The following NKAIN2 variants were observed in gnomAD, a reference collection of about 807,000 sequenced individuals.
NKAIN2 encodes sodium/potassium-transporting ATPase subunit beta-1-interacting protein 2.
Under a neutral mutation model 32.6 loss-of-function variants are expected in NKAIN2, and 14 were observed. The ratio of observed to expected loss-of-function variants is 0.43; its 90% CI spans 0.28 to 0.67. The LOEUF (loss-of-function observed/expected upper bound fraction) is 0.67. Among genes scored for constraint, NKAIN2 ranks in the 30% least tolerant of loss-of-function variants. The pLI is 0.17. For synonymous variants in NKAIN2, 80 were observed against 87.2 expected, an observed-to-expected ratio of 0.92 and a Z score of 0.46; for missense variants, 198 against 258.3, an observed-to-expected ratio of 0.77 and a Z score of 1.60.
intron 3 of NKAIN2, among the ~76,000 whole-genome samples, chr6:124,653,140 A>G (rs1784422940): frequency 6.6e-6 from 1 of 152,162 alleles, no homozygotes; most frequent in Non-Finnish European, 1.5e-5. Context: ...GATGTTGGCA[A>G]ACTGATTCTA....
chr6:124,450,924 G>A (rs1482730067), intron 3 of NKAIN2, among the ~76,000 whole-genome samples: 2 of 151,898 alleles, frequency 1.3e-5, no homozygotes, highest in Non-Finnish European at 2.9e-5. Flanking sequence ...AATTGCTTAA[G>A]CTACCTAGGG....
intron 3 of NKAIN2, among the ~76,000 whole-genome samples, chr6:124,538,807 G>T (rs182291341): frequency 2.0e-5 from 3 of 151,846 alleles, no homozygotes; most frequent in Non-Finnish European, 4.4e-5. Context: ...TCATTCGCTC[G>T]GTTTAACTAG....
At chr6:124,748,669 C>G (rs1373291281) in intron 4 of NKAIN2, among the ~76,000 whole-genome samples, 1 of 151,884 alleles carries the variant, frequency 6.6e-6, no homozygotes, top group Non-Finnish European at 1.5e-5. Flanking sequence ...AAGCGCAGAT[C>G]TATCGTCTTG....
chr6:124,763,843 A>G (rs1251233470), intron 4 of NKAIN2, among the ~76,000 whole-genome samples: 1 of 152,224 alleles, frequency 6.6e-6, no homozygotes, highest in Non-Finnish European at 1.5e-5. Flanking sequence ...ATTTAAAAAT[A>G]AAATAAGCTC....
chr6:124,389,742 TG>T (rs1455193653), intron 3 of NKAIN2, among the ~76,000 whole-genome samples: 3 of 149,844 alleles, frequency 2.0e-5, no homozygotes, highest in Non-Finnish European at 4.5e-5. Context: ...TGTGTGTGTG[TG>T]TGTGTGTGGG....
intron 1 of NKAIN2, chr6:123,828,783 C>T (rs1774253431): frequency 6.6e-6 from 1 of 152,244 alleles, no homozygotes; most frequent in African/African-American, 2.4e-5. Flanking sequence ...GTACCCTCAA[C>T]CAGGGATTTT....
At chr6:123,938,872 A>G (rs1023472036) in intron 1 of NKAIN2, among the ~76,000 whole-genome samples, 5 of 151,940 alleles carry the variant, frequency 3.3e-5, no homozygotes, top group Admixed American at 6.6e-5. Context: ...ATGGTGGGTT[A>G]GTTCTTAAGC....
chr6:124,397,525 GAGTT>G (rs1237550835), intron 3 of NKAIN2, among the ~76,000 whole-genome samples: 1 of 143,094 alleles, frequency 7.0e-6, no homozygotes, highest in African/African-American at 2.8e-5. Flanking sequence ...GTGTCACAGA[GAGTT>G]TTTTTTTTTT....
At chr6:124,014,354 A>G (rs186913502) in intron 1 of NKAIN2, among the ~76,000 whole-genome samples, 4 of 152,294 alleles carry the variant, frequency 2.6e-5, no homozygotes, top group Non-Finnish European at 1.5e-5. Context: ...ACAATATTGT[A>G]ACTGGCCATT....
chr6:123,978,505 A>G (rs749079376), intron 1 of NKAIN2, among the ~76,000 whole-genome samples: 1 of 152,200 alleles, frequency 6.6e-6, no homozygotes, highest in East Asian at 1.9e-4. Flanking sequence ...GTCAGTGATA[A>G]TCCTAACCAC....
At chr6:123,976,364 T>TGTTTCC (rs1238887069) in intron 1 of NKAIN2, among the ~76,000 whole-genome samples, 7 of 22,800 alleles carry the variant, frequency 3.1e-4, no homozygotes, top group African/African-American at 1.4e-3. Context: ...TATATATATA[T>TGTTTCC]ATATTCCCAT....
chr6:124,722,190 T>C (rs1389649034), intron 4 of NKAIN2, among the ~76,000 whole-genome samples: 1 of 152,236 alleles, frequency 6.6e-6, no homozygotes, highest in Non-Finnish European at 1.5e-5. Flanking sequence ...TTCCATTGTA[T>C]AACAGAAATT....
chr6:124,373,971 G>T (rs1434301350), intron 3 of NKAIN2, among the ~76,000 whole-genome samples: 2 of 152,022 alleles, frequency 1.3e-5, no homozygotes, highest in Non-Finnish European at 2.9e-5. Flanking sequence ...TTGTTCATTT[G>T]TTTTTGTTGG....
chr6:124,471,307 A>G (rs867498942), intron 3 of NKAIN2, among the ~76,000 whole-genome samples: 2 of 152,108 alleles, frequency 1.3e-5, no homozygotes, highest in African/African-American at 2.4e-5. Context: ...TTTAAATATG[A>G]TATATTCTCC....
intron 1 of NKAIN2, among the ~76,000 whole-genome samples, chr6:124,206,002 G>A (rs554285658): frequency 1.3e-5 from 2 of 151,934 alleles, no homozygotes; most frequent in African/African-American, 4.8e-5. Flanking sequence ...TCCTGATTTT[G>A]ATGGGAGAAA....
intron 2 of NKAIN2, among the ~76,000 whole-genome samples, chr6:124,354,853 A>AAAC (rs1228509698): frequency 6.6e-6 from 1 of 151,478 alleles, no homozygotes; most frequent in East Asian, 1.9e-4. Flanking sequence ...AGAAAAAAAA[A>AAAC]AAAAAAAAAC....
intron 4 of NKAIN2, among the ~76,000 whole-genome samples, chr6:124,731,101 A>T (rs1022105365): frequency 7.8e-5 from 11 of 141,150 alleles, no homozygotes; most frequent in Non-Finnish European, 1.4e-4. Flanking sequence ...GAACACTTCT[A>T]CACTGTTGGT....
chr6:124,136,914 G>A (rs2114302073), intron 1 of NKAIN2, among the ~76,000 whole-genome samples: 1 of 152,122 alleles, frequency 6.6e-6, no homozygotes, highest in African/African-American at 2.4e-5. Context: ...CATACTGAAT[G>A]GGAAAATTGA....
At chr6:124,116,097 C>G (rs1465837497) in intron 1 of NKAIN2, among the ~76,000 whole-genome samples, 1 of 151,986 alleles carries the variant, frequency 6.6e-6, no homozygotes, top group African/African-American at 2.4e-5. Flanking sequence ...AGATCAGTAA[C>G]AAAATTCTTA....
Sources: allele counts gnomAD v4.1 joint callset (sites outside exome capture counted in the v4.1 genomes callset), GRCh38; gene constraint gnomAD v4.1.1; transcripts MANE v1.5; gene names NCBI Gene and HGNC (gene_info 2026-07-23, HGNC 2026-07-21).